The following CEP131 variants were observed in gnomAD, a reference collection of about 807,000 sequenced individuals.
CEP131 encodes centrosomal protein of 131 kDa.
Under a neutral mutation model 136.8 loss-of-function variants are expected in CEP131, and 99 were observed. That is an observed-to-expected ratio of 0.72 (90% CI 0.62 to 0.86). CEP131 has a LOEUF of 0.86. Ranked by LOEUF, CEP131 falls within the 40% of genes least tolerant of loss-of-function variation. The pLI, the probability that CEP131 is intolerant of heterozygous loss-of-function variation, is 0.00. For synonymous variants in CEP131, 646 were observed against 612.7 expected (o/e 1.05, Z -0.80); for missense variants, 1,459 against 1,463.0 (o/e 1.00, Z 0.04).
At chr17:81,197,490 C>T in intron 13 of CEP131, 1 of 677,570 alleles carries the variant, frequency 1.5e-6, no homozygotes, top group Non-Finnish European at 2.4e-6. Context: ...GCGGGCCCTG[C>T]CACCTCCACC....
At chr17:81,217,907 T>C (rs1436719032) in intron 2 of CEP131, among the ~76,000 whole-genome samples, 1 of 152,166 alleles carries the variant, frequency 6.6e-6, no homozygotes, top group Non-Finnish European at 1.5e-5. Flanking sequence ...GGATAGAGCC[T>C]GGCCATGCCG....
rs372530228 is a variant in CEP131 at position 81,194,140 on chromosome 17, C to T, written c.2120-13G>A. ...TCGGGCTCCAGACCTGGGGGCGGGG[C>T]ACCAGCTAGGGCCACGTCCAGCTAG... On this transcript the variant is annotated splice_polypyrimidine_tract_variant and intron_variant, in intron 17 of 25. Transcript: ENST00000450824. 1.3e-5 allele frequency: 19 copies of T among 1,508,580 alleles called. No homozygotes were observed. In the African/African-American group the frequency reaches 2.7e-4, roughly 21 times the overall value. The allele number at this position is 1,508,580 out of a possible 1,614,324, so 93.4% of individuals were successfully genotyped here.
rs985509348 is a variant in CEP131 at position 81,219,198 on chromosome 17, C to T, written c.177+682G>A. 1.3e-5 allele frequency among the ~76,000 whole-genome samples: 2 copies of T among 152,144 alleles called. No individual in the cohort carries two copies. The highest frequency in any genetic ancestry group is 2.9e-5 in the Non-Finnish European group (2 of 68,022). ...GGCAGCTCTCACCCCGAAGCTCCCA[C>T]GGCTGTCCTGCTGCCCACACACCCA... On this transcript the variant is annotated intron_variant, in intron 2 of 25. Transcript: ENST00000450824. This position sits in a 1 kb window ranked among gnomAD's most constrained non-coding sequence, Gnocchi z 4.0.
intron 1 of CEP131, among the ~76,000 whole-genome samples, chr17:81,220,413 T>A (rs2062360974): frequency 6.6e-6 from 1 of 152,246 alleles, no homozygotes; most frequent in Admixed American, 6.5e-5. Context: ...TTCTGCCATC[T>A]ACCCCACACC....
intron 15 of CEP131, among the ~76,000 whole-genome samples, 163 bp from the exon 16 acceptor site, chr17:81,196,114 C>T (rs961415318): frequency 2.0e-5 from 3 of 152,080 alleles, no homozygotes; most frequent in Admixed American, 1.3e-4. Context: ...TGGGGGGGCA[C>T]GTGTGCAAAC....
chr17:81,216,312 T>C (rs2062245516), intron 2 of CEP131, among the ~76,000 whole-genome samples: 1 of 150,822 alleles, frequency 6.6e-6, no homozygotes, highest in Non-Finnish European at 1.5e-5. Flanking sequence ...TGAGCCGAGA[T>C]CTCACAAATG....
intron 17 of CEP131, 40 bp downstream of exon 17, chr17:81,194,830 C>G (rs1202374565): frequency 6.5e-7 from 1 of 1,537,888 alleles, no homozygotes. Context: ...CCGCAGCACC[C>G]ACCCCACACC....
chr17:81,195,993 A>G (rs1460189960), intron 15 of CEP131, 42 bp from the exon 16 acceptor site: 36 of 1,537,894 alleles, frequency 2.3e-5, no homozygotes, highest in Non-Finnish European at 2.8e-5. Context: ...CCAAGGCCCC[A>G]GCCCAGCAGG....
intron 1 of CEP131, 52 bp from the exon 2 acceptor site, chr17:81,220,125 C>T: frequency 7.4e-7 from 1 of 1,355,846 alleles, no homozygotes. Flanking sequence ...AACTACAGTC[C>T]CCTGCACCCA....
In CEP131 at chr17:81,206,773, G is replaced by A. The variant is rs752343397; in HGVS notation, c.486C>T (p.Ala162=). 8.7e-6 allele frequency: 14 copies of A among 1,613,950 alleles called. No individual in the cohort carries two copies. The African/African-American group carries it at 1.9e-4, about 22-fold the overall frequency. ...TGTTAGCAGTGAAGTTGGGGGCCAG[G>A]GCCACGGTGCATTCTTTCCTCCGCG... The part of the protein sequence containing the change: ...AGPRRKECTV[A]LAPNFTANNR... Residue 162 remains alanine (A), a synonymous_variant, in exon 5 of 26, where the codon GCC becomes GCT. Transcript: ENST00000450824.
chr17:81,190,173 G>GGGTCA (rs1405681583), intron 24 of CEP131, among the ~76,000 whole-genome samples, 198 bp from the exon 25 acceptor site: 3 of 152,328 alleles, frequency 2.0e-5, no homozygotes, highest in African/African-American at 7.2e-5. Context: ...GGCCACTGGA[G>GGGTCA]TATGACCCTG....
At chr17:81,196,054 C>G in intron 15 of CEP131, 103 bp from the exon 16 acceptor site, 1 of 947,916 alleles carries the variant, frequency 1.1e-6, no homozygotes, top group Non-Finnish European at 1.6e-6. Flanking sequence ...TAACAGCAGC[C>G]CTCCCCTGGG....
At position 81,222,782 on chromosome 17, in the gene CEP131, G is replaced by A. The variant is rs1003304418; in HGVS notation, c.-31C>T. The A allele has an allele frequency of 2.0e-5, 3 of 152,294 alleles. No individual in the cohort carries two copies. Among genetic ancestry groups the A allele is most frequent in the South Asian group, 2.1e-4 (1 of 4,850 alleles). The allele number at this position is 152,294 out of a possible 1,614,324, so 9.4% of individuals were successfully genotyped here. A position where few individuals can be genotyped will look rare whatever the true frequency, so the allele number is the denominator to read the frequency against. On this transcript the variant is annotated 5_prime_UTR_variant, in exon 1 of 26. Coordinates refer to ENST00000450824, the MANE Select transcript of CEP131 (RefSeq NM_014984.4). ...GGCCCCCCTCACCTGCGCGGGCCGG[G>A]GGCGCAGCCGCGAAGCCTGCCTGGC...
chr17:81,195,038 G>A, intron 16 of CEP131, 66 bp from the exon 17 acceptor site: 1 of 1,247,174 alleles, frequency 8.0e-7, no homozygotes, highest in Non-Finnish European at 1.2e-6. Flanking sequence ...CCACCCTGTG[G>A]GCACAGTCAG....
chr17:81,200,049 G>A (rs543220981), intron 8 of CEP131: 30 of 616,338 alleles, frequency 4.9e-5, no homozygotes, highest in Middle Eastern at 4.3e-4. Flanking sequence ...CAGTTCTGGC[G>A]TGGGGGAGAC....
chr17:81,209,105 G>T, intron 2 of CEP131, 83 bp from the exon 3 acceptor site: 1 of 1,055,774 alleles, frequency 9.5e-7, no homozygotes, highest in Non-Finnish European at 1.4e-6. Flanking sequence ...TTGGAGAAAC[G>T]CAGTCAGAGA....
chr17:81,192,816 C>T lies in CEP131; in HGVS notation c.2349G>A (p.Gln783=). ...QRFQQHLEQE[Q]WALQQQRQRL... ...GCTGCCGTTGCTGCTGCAGCGCCCA[C>T]TGCTCCTGCTCCAGGTGCTGCTGGA... Residue 783 remains glutamine, a synonymous_variant, in exon 19 of 26, where the codon CAG becomes CAA. Transcript: ENST00000450824. 1.9e-6 allele frequency: 3 copies of T among 1,598,698 alleles called. No individual in the cohort carries two copies. The highest frequency in any genetic ancestry group is 1.7e-6 in the Non-Finnish European group (2 of 1,179,374).
intron 5 of CEP131, among the ~76,000 whole-genome samples, chr17:81,204,705 G>A (rs1265061157): frequency 2.0e-5 from 3 of 151,616 alleles, no homozygotes; most frequent in African/African-American, 4.9e-5. Flanking sequence ...CACCTGCACC[G>A]GACCACACCT....
chr17:81,195,767 G>T, intron 16 of CEP131, 68 bp downstream of exon 16: 1 of 1,377,950 alleles, frequency 7.3e-7, no homozygotes, highest in South Asian at 1.2e-5. Context: ...TGTTCTGGGG[G>T]CTGTGCCAGC....
Sources: gnomAD v4.1 joint callset for allele counts (sites outside exome capture counted in the v4.1 genomes callset) on GRCh38, gnomAD v4.1.1 for gene constraint, Gnocchi (gnomAD v3.1) non-coding constraint, MANE v1.5 for transcripts, NCBI Gene and HGNC (gene_info 2026-07-23, HGNC 2026-07-21) for gene names.